Variants in NSUN4 observed in about 807,000 individuals in gnomAD.
NSUN4 encodes the protein NOP2/Sun RNA methyltransferase 4, also known as 5-cytosine rRNA methyltransferase NSUN4.
NSUN4 carries 31 observed loss-of-function variants against 43.8 expected under a neutral mutation model. That is an observed-to-expected ratio of 0.71 (90% CI 0.53 to 0.96). NSUN4 has a LOEUF of 0.96. NSUN4 is among the 40% of genes least tolerant of loss of function. NSUN4 has a pLI of 0.00. For missense variants in NSUN4, 439 were observed against 475.6 expected (o/e 0.92, Z 0.72); for synonymous variants, 167 against 184.1 (o/e 0.91, Z 0.75).
chr1:46,353,069 C>A (rs756938997), intron 4 of NSUN4, 41 bp downstream of exon 4: 13 of 1,588,748 alleles, frequency 8.2e-6, no homozygotes, highest in African/African-American at 2.7e-5. Context: ...CAGCTTAATG[C>A]GGCCTCCCCA....
At chr1:46,365,206 T>C (rs1390608474), downstream of NSUN4, 1 of 152,224 alleles carries the variant, frequency 6.6e-6, no homozygotes, top group Non-Finnish European at 1.5e-5. Context: ...TTGTATTCCA[T>C]GGTGCAGACA....
At chr1:46,360,249 A>AAAAAAAAAAAAAATAT (rs1553177947) in intron 4 of NSUN4, among the ~76,000 whole-genome samples, 1 of 25,740 alleles carries the variant, frequency 3.9e-5, no homozygotes, top group African/African-American at 1.3e-4. Context: ...AAAAAAAAAA[A>AAAAAAAAAAAAAATAT]ATATATATAT....
chr1:46,346,863 A>G, intron 2 of NSUN4, 58 bp from the exon 3 acceptor site: 1 of 1,475,686 alleles, frequency 6.8e-7, no homozygotes, highest in African/African-American at 1.4e-5. Flanking sequence ...GGTGGCCTAG[A>G]CTCCCAGTGG....
chr1:46,376,651 A>T, the NSUN4 span, among the ~76,000 whole-genome samples: 2 of 152,162 alleles, frequency 1.3e-5, no homozygotes, highest in Non-Finnish European at 2.9e-5. Context: ...AGAATAGAAA[A>T]CACGTGCATC....
intron 1 of NSUN4, chr1:46,342,042 C>G: frequency 2.0e-6 from 2 of 989,560 alleles, no homozygotes; most frequent in Non-Finnish European, 2.6e-6. Context: ...TTCGCCTCCT[C>G]CTACACATAG....
chr1:46,351,101 C>G (rs1423005070), intron 3 of NSUN4, among the ~76,000 whole-genome samples: 1 of 152,228 alleles, frequency 6.6e-6, no homozygotes, highest in Non-Finnish European at 1.5e-5. Context: ...TGTGGTGGCT[C>G]ACACCTGTAA....
At chr1:46,372,465 C>G in the NSUN4 span, among the ~76,000 whole-genome samples, 1 of 151,916 alleles carries the variant, frequency 6.6e-6, no homozygotes, top group Non-Finnish European at 1.5e-5. Flanking sequence ...TTTACATGGC[C>G]AGGCTGAGTC....
At chr1:46,380,004 A>C in the NSUN4 span, among the ~76,000 whole-genome samples, 1 of 152,186 alleles carries the variant, frequency 6.6e-6, no homozygotes, top group Non-Finnish European at 1.5e-5. Flanking sequence ...AAATCATAGC[A>C]GTTCCTTAGA....
chr1:46,371,932 G>A, the NSUN4 span, among the ~76,000 whole-genome samples: 3 of 152,018 alleles, frequency 2.0e-5, no homozygotes, highest in Non-Finnish European at 2.9e-5. Flanking sequence ...TGAGGGATCC[G>A]CCCCTATGAT....
At chr1:46,381,452 C>T in the NSUN4 span, among the ~76,000 whole-genome samples, 1 of 152,174 alleles carries the variant, frequency 6.6e-6, no homozygotes. Context: ...CCACTCCTAA[C>T]CCCTAGACCC....
the NSUN4 span, among the ~76,000 whole-genome samples, chr1:46,374,798 T>C: frequency 1.3e-5 from 2 of 151,508 alleles, no homozygotes; most frequent in Non-Finnish European, 1.5e-5. Context: ...CAGGAGTATA[T>C]GAGTATATGA....
At chr1:46,383,471 T>TC in the NSUN4 span, among the ~76,000 whole-genome samples, 8 of 144,466 alleles carry the variant, frequency 5.5e-5, no homozygotes, top group East Asian at 2.3e-4. Context: ...TTTTTTTTTT[T>TC]CCGAGATGGA....
chr1:46,358,089 A>G (rs1049916507), intron 4 of NSUN4, among the ~76,000 whole-genome samples: 1 of 151,122 alleles, frequency 6.6e-6, no homozygotes, highest in South Asian at 2.1e-4. Flanking sequence ...TAATTTTTGT[A>G]TTTATTTATT....
the NSUN4 span, chr1:46,371,017 CA>C: frequency 6.6e-6 from 1 of 152,640 alleles, no homozygotes; most frequent in South Asian, 2.1e-4. Context: ...CCCATTTTAA[CA>C]GAAGAAAACT....
chr1:46,373,444 C>A, the NSUN4 span, among the ~76,000 whole-genome samples: 5 of 152,222 alleles, frequency 3.3e-5, no homozygotes, highest in South Asian at 2.1e-4. Context: ...AAATTTATTT[C>A]TTTCAGTTCT....
chr1:46,350,704 C>G (rs899722752), intron 3 of NSUN4, among the ~76,000 whole-genome samples: 1 of 151,672 alleles, frequency 6.6e-6, no homozygotes, highest in Non-Finnish European at 1.5e-5. Context: ...TAATTTATCT[C>G]TTACATAAGA....
In NSUN4 at chr1:46,344,892, C is replaced by T. The variant is rs775021023; in HGVS notation, c.185C>T (p.Ser62Leu). ...GTGCAGTTTGGAGATCTTTGGCCATCAATCCGTGTCAGTCTCCTCTCAGAG... is the reference window on the plus strand; with the variant it reads ...GTGCAGTTTGGAGATCTTTGGCCATTAATCCGTGTCAGTCTCCTCTCAGAG... ...YSVQFGDLWP[S>L]IRVSLLSEQK... Residue 62 changes from serine to leucine, a missense_variant, in exon 2 of 6, where the codon TCA (serine) becomes TTA (leucine). Coordinates refer to ENST00000474844, the MANE Select transcript of NSUN4 (RefSeq NM_199044.4). The T allele has an allele frequency of 1.2e-6, 2 of 1,614,090 alleles. No individual in the cohort carries two copies. The highest frequency in any genetic ancestry group is 1.7e-6 in the Non-Finnish European group (2 of 1,180,040).
rs1223772134 is a variant in NSUN4 at position 46,347,048 on chromosome 1, C to A, written c.565C>A (p.Leu189Ile). 1 of 1,614,152 alleles carries A rather than the reference C, an allele frequency of 6.2e-7. No individual in the cohort carries two copies. Among genetic ancestry groups the A allele is most frequent in the South Asian group, 1.1e-5 (1 of 91,086 alleles). The change falls in exon 3 of 6, where the codon CTA (leucine) becomes ATA (isoleucine). Residue 189 changes from leucine (L) to isoleucine (I), a missense_variant. Physicochemically the swap from Leu to Ile is conservative, Grantham distance 5. Transcript: ENST00000474844. ...ATGTGCAGCTCCTGGGGGAAAGACA[C>A]TAGCGTTGCTTCAGACTGGCTGTTG... The part of the protein sequence containing the change: ...DLCAAPGGKT[L>I]ALLQTGCCRN...
At chr1:46,346,460 G>T (rs1049025372) in intron 2 of NSUN4, among the ~76,000 whole-genome samples, 1 of 149,550 alleles carries the variant, frequency 6.7e-6, no homozygotes. Flanking sequence ...GCTGAGGCAG[G>T]AGAATCACTT....
Sources: gnomAD v4.1 joint callset for allele counts (sites outside exome capture counted in the v4.1 genomes callset) on GRCh38, gnomAD v4.1.1 for gene constraint, MANE v1.5 for transcripts, NCBI Gene and HGNC (gene_info 2026-07-23, HGNC 2026-07-21) for gene names.